Variants in DOCK7 observed in about 807,000 individuals in gnomAD.
DOCK7 encodes dedicator of cytokinesis 7, also known as dedicator of cytokinesis protein 7.
Under a neutral mutation model 271.0 loss-of-function variants are expected in DOCK7, and 138 were observed. The ratio of observed to expected loss-of-function variants is 0.51; its 90% CI spans 0.44 to 0.59. The LOEUF (loss-of-function observed/expected upper bound fraction) is 0.59, where lower values mean the gene tolerates loss of function less well. DOCK7 is among the 20% of genes least tolerant of loss of function. The pLI is 0.00. For synonymous variants in DOCK7, 823 were observed against 876.1 expected, an observed-to-expected ratio of 0.94 and a Z score of 1.07; for missense variants, 2,066 against 2,592.4, an observed-to-expected ratio of 0.80 and a Z score of 4.41.
At chr1:62,675,557 C>T (rs1348096952) in intron 1 of DOCK7, among the ~76,000 whole-genome samples, 2 of 152,030 alleles carry the variant, frequency 1.3e-5, no homozygotes, top group Non-Finnish European at 2.9e-5. Flanking sequence ...CCGAGGCGGG[C>T]GGATCATGAG....
chr1:62,676,420 T>C (rs1660554996), intron 1 of DOCK7, among the ~76,000 whole-genome samples: 1 of 152,224 alleles, frequency 6.6e-6, no homozygotes, highest in Non-Finnish European at 1.5e-5. Flanking sequence ...TTTTGGGTGA[T>C]GGAAACGTTC....
At chr1:62,660,451 T>C (rs1435042178) in intron 2 of DOCK7, among the ~76,000 whole-genome samples, 1 of 152,196 alleles carries the variant, frequency 6.6e-6, no homozygotes, top group African/African-American at 2.4e-5. Flanking sequence ...CCCATTAGAA[T>C]GGCTATTATT....
At chr1:62,594,962 CT>C (rs1649007229) in intron 14 of DOCK7, among the ~76,000 whole-genome samples, 1 of 152,104 alleles carries the variant, frequency 6.6e-6, no homozygotes, top group African/African-American at 2.4e-5. Context: ...ACAACTGTAA[CT>C]TTTCTATTTA....
intron 7 of DOCK7, among the ~76,000 whole-genome samples, chr1:62,639,874 C>T (rs1340690396): frequency 6.6e-6 from 1 of 150,852 alleles, no homozygotes; most frequent in East Asian, 1.9e-4. Context: ...ATTTAAACTG[C>T]CAAAAATGTA....
intron 18 of DOCK7, among the ~76,000 whole-genome samples, chr1:62,562,048 C>A (rs1476216197): frequency 1.3e-5 from 2 of 149,748 alleles, no homozygotes; most frequent in Non-Finnish European, 2.9e-5. Context: ...ATACTTAACA[C>A]CAAACATTAT....
chr1:62,520,190 G>C (rs538227618), intron 31 of DOCK7, among the ~76,000 whole-genome samples: 2 of 152,174 alleles, frequency 1.3e-5, no homozygotes, highest in East Asian at 3.9e-4. Context: ...CATAGGCATG[G>C]GCAAACACTT....
chr1:62,486,736 C>T (rs940353102), intron 43 of DOCK7: 1 of 152,008 alleles, frequency 6.6e-6, no homozygotes, highest in Non-Finnish European at 1.5e-5. Context: ...CTTTCCCCAA[C>T]AAAAATTAAA....
chr1:62,527,610 C>T (rs567285234), intron 31 of DOCK7, among the ~76,000 whole-genome samples: 257 of 151,870 alleles, frequency 1.7e-3, no homozygotes, highest in African/African-American at 6.0e-3. Context: ...CCATCATTCT[C>T]AGCAAACTAT....
rs549947113 is a variant in DOCK7, at chr1:62,469,498, G to A, written c.6212+4484C>T. On this transcript the variant is annotated intron_variant, in intron 48 of 49. Coordinates refer to ENST00000635253, the MANE Select transcript of DOCK7 (RefSeq NM_001367561.1). ...ATTGGAAAAATCCTTCTAGACATTGGCTTGGGCAAATATTTCATGACCAAG... is the reference window on the plus strand; with the variant it reads ...ATTGGAAAAATCCTTCTAGACATTGACTTGGGCAAATATTTCATGACCAAG... 3.3e-5 allele frequency among the ~76,000 whole-genome samples: 5 copies of A among 152,264 alleles called. No homozygotes were observed. The South Asian group carries it at 1.0e-3, about 32-fold the overall frequency.
intron 1 of DOCK7, among the ~76,000 whole-genome samples, chr1:62,668,722 G>A (rs1177082079): frequency 1.3e-5 from 2 of 151,876 alleles, no homozygotes; most frequent in Non-Finnish European, 2.9e-5. Context: ...GCAAAACTCT[G>A]TCTCTACTAA....
At chr1:62,621,349 A>G (rs926898189) in intron 12 of DOCK7, among the ~76,000 whole-genome samples, 1 of 152,230 alleles carries the variant, frequency 6.6e-6, no homozygotes, top group African/African-American at 2.4e-5. Flanking sequence ...ATTTAATGTT[A>G]ATATTTTTTC....
At position 62,664,154 on chromosome 1, in the gene DOCK7, T is replaced by C. The variant is rs61159369; in HGVS notation, c.39-1024A>G. Among the ~76,000 whole-genome samples, 701 of 152,266 alleles carry C rather than the reference T, an allele frequency of 4.6e-3. 6 individuals are homozygous for C. Among genetic ancestry groups the C allele is most frequent in the African/African-American group, 0.016 (676 of 41,550 alleles). ...TGGAAGACAGTAAAAAGACCAGTGG[T>C]TGTCAGGGGCTAGAGTGGGGACAAG... On this transcript the variant is annotated intron_variant, in intron 1 of 49. Coordinates refer to ENST00000635253, the MANE Select transcript of DOCK7 (RefSeq NM_001367561.1).
intron 7 of DOCK7, among the ~76,000 whole-genome samples, chr1:62,643,729 T>C (rs944117729): frequency 6.6e-6 from 1 of 152,176 alleles, no homozygotes; most frequent in African/African-American, 2.4e-5. Flanking sequence ...CCCTAAGTTA[T>C]TTCCATTCTA....
intron 14 of DOCK7, chr1:62,605,177 T>A (rs1208678588): frequency 4.8e-6 from 1 of 207,300 alleles, no homozygotes; most frequent in Admixed American, 5.3e-5. Context: ...ATCACAACTT[T>A]CCCAGTTTAA....
intron 12 of DOCK7, among the ~76,000 whole-genome samples, chr1:62,622,921 C>T (rs867901680): frequency 2.6e-5 from 4 of 152,112 alleles, no homozygotes; most frequent in Middle Eastern, 3.4e-3. Flanking sequence ...GAGAGCAAGA[C>T]TCAAAAACAA....
intron 15 of DOCK7, among the ~76,000 whole-genome samples, chr1:62,586,095 T>G (rs1036465618): frequency 3.3e-5 from 5 of 152,066 alleles, no homozygotes; most frequent in Non-Finnish European, 7.4e-5. Flanking sequence ...ATACCACACA[T>G]CACTTCCCAC....
intron 18 of DOCK7, among the ~76,000 whole-genome samples, chr1:62,575,835 C>G (rs1047251412): frequency 5.9e-5 from 9 of 152,190 alleles, no homozygotes; most frequent in African/African-American, 2.2e-4. Flanking sequence ...ATGAGTCTCC[C>G]TTTAGAAAGC....
chr1:62,503,898 T>G, intron 37 of DOCK7, among the ~76,000 whole-genome samples: 1 of 151,872 alleles, frequency 6.6e-6, no homozygotes, highest in East Asian at 2.0e-4. Flanking sequence ...GTACAAAAAA[T>G]TAGCTGGGCG....
intron 31 of DOCK7, among the ~76,000 whole-genome samples, chr1:62,520,982 C>T (rs1325847910): frequency 1.3e-5 from 2 of 152,012 alleles, no homozygotes; most frequent in African/African-American, 4.8e-5. Flanking sequence ...AACCATCATT[C>T]TCAGCAAACT....
Sources: allele counts gnomAD v4.1 joint callset (sites outside exome capture counted in the v4.1 genomes callset), GRCh38; gene constraint gnomAD v4.1.1; transcripts MANE v1.5; gene names NCBI Gene and HGNC (gene_info 2026-07-23, HGNC 2026-07-21).